The following CEP41 variants were observed in gnomAD, a reference collection of about 807,000 sequenced individuals.
CEP41 encodes the protein centrosomal protein of 41 kDa.
CEP41 carries 32 observed loss-of-function variants against 44.3 expected under a neutral mutation model. The observed-to-expected ratio is 0.72, with a 90% CI of 0.54 to 0.97. The LOEUF (loss-of-function observed/expected upper bound fraction) is 0.97. Ranked by LOEUF, CEP41 falls within the 50% of genes least tolerant of loss-of-function variation. The pLI, the probability that CEP41 is intolerant of heterozygous loss-of-function variation, is 0.00. For synonymous variants in CEP41, 151 were observed against 168.5 expected (o/e 0.90, Z 0.80); for missense variants, 432 against 455.2 (o/e 0.95, Z 0.46).
At chr7:130,409,133 A>G (rs535095050) in intron 5 of CEP41, among the ~76,000 whole-genome samples, 23 of 152,268 alleles carry the variant, frequency 1.5e-4, no homozygotes, top group Non-Finnish European at 3.2e-4. Flanking sequence ...AGCGATAAAC[A>G]TTATAAAAGG....
chr7:130,427,124 TAAAC>T (rs1797687726), intron 2 of CEP41: 1 of 155,574 alleles, frequency 6.4e-6, no homozygotes. Context: ...CAAAATGATT[TAAAC>T]AAAGTCAACA....
chr7:130,435,643 A>T (rs1242274169), intron 1 of CEP41, among the ~76,000 whole-genome samples: 1 of 152,194 alleles, frequency 6.6e-6, no homozygotes, highest in African/African-American at 2.4e-5. Flanking sequence ...CTTGGCAGGA[A>T]TGTAAAATGG....
At chr7:130,436,149 G>A (rs1022839875) in intron 1 of CEP41, among the ~76,000 whole-genome samples, 8 of 152,210 alleles carry the variant, frequency 5.3e-5, no homozygotes, top group South Asian at 4.1e-4. Context: ...GTGAGACTCC[G>A]TCTCAAAAAA....
At chr7:130,436,285 GAA>G (rs568484935) in intron 1 of CEP41, among the ~76,000 whole-genome samples, 3 of 140,146 alleles carry the variant, frequency 2.1e-5, no homozygotes, top group African/African-American at 5.2e-5. Flanking sequence ...TATCTTGAGT[GAA>G]AAAAAAAAAA....
At chr7:130,436,153 CA>C (rs1471051562) in intron 1 of CEP41, among the ~76,000 whole-genome samples, 1 of 152,016 alleles carries the variant, frequency 6.6e-6, no homozygotes, top group East Asian at 1.9e-4. Flanking sequence ...GACTCCGTCT[CA>C]AAAAACAAAA....
At chr7:130,437,782 A>AG (rs1563000222) in intron 1 of CEP41, among the ~76,000 whole-genome samples, 1 of 135,890 alleles carries the variant, frequency 7.4e-6, no homozygotes, top group African/African-American at 2.8e-5. Context: ...AAAAAAAAAA[A>AG]AAAAAAGAAA....
rs1401257601 is a variant in CEP41, at chr7:130,396,927, G to C, written c.*1964C>G. 6 of 453,024 alleles carry C rather than the reference G, an allele frequency of 1.3e-5. No individual in the cohort carries two copies. The highest frequency in any genetic ancestry group is 2.2e-5 in the Non-Finnish European group (5 of 226,234). The allele number at this position is 453,024 out of a possible 1,614,324, so 28.1% of individuals were successfully genotyped here. A position where few individuals can be genotyped will look rare whatever the true frequency, so the allele number is the denominator to read the frequency against. ...GATGGGAACGCAGAATCGGAACAAG[G>C]AGGGAAGACCATTTACTTTCAAAAT... On this transcript the variant is annotated 3_prime_UTR_variant, in exon 11 of 11. Transcript: ENST00000223208.
chr7:130,418,723 G>A (rs1797413105), intron 2 of CEP41, among the ~76,000 whole-genome samples: 2 of 152,218 alleles, frequency 1.3e-5, no homozygotes, highest in African/African-American at 4.8e-5. Flanking sequence ...TTTTTGTTGT[G>A]TTGTTGTAAA....
At chr7:130,410,432 C>T (rs1387703477) in intron 5 of CEP41, among the ~76,000 whole-genome samples, 2 of 152,070 alleles carry the variant, frequency 1.3e-5, no homozygotes, top group East Asian at 3.9e-4. Flanking sequence ...TTTTCAGTCC[C>T]TTAAGGGTAC....
Position 130,401,135 on chromosome 7 carries a change from G to A in CEP41, c.643-314C>T, listed in dbSNP as rs972305412. The A allele has an allele frequency of 5.8e-5, 20 of 342,598 alleles. No individual in the cohort carries two copies. In the East Asian group the frequency reaches 1.4e-3, roughly 23 times the overall value. 21.2% of individuals were successfully genotyped at this position (342,598 alleles called of 1,614,324 possible). On this transcript the variant is annotated intron_variant, in intron 8 of 10. Transcript: ENST00000223208. ...ATATTACAATCCCCATTTTACAGAT[G>A]AAGAAATAGAACAACTTCTATGCCT...
chr7:130,415,542 C>T (rs976252012), intron 3 of CEP41, among the ~76,000 whole-genome samples: 3 of 152,194 alleles, frequency 2.0e-5, no homozygotes, highest in Non-Finnish European at 4.4e-5. Flanking sequence ...GGGTATTGTT[C>T]TGGGAGATCA....
chr7:130,399,819 C>CAA lies in CEP41; in HGVS notation c.973+218_973+219dup, dbSNP rs34927892. Reference sequence around the variant, plus strand: ...TGGGTGACAGAGCAAGACTCTGTCTCAAAAAAAAAAAAAGTCGCTATGTTT... The same window carrying CAA: ...TGGGTGACAGAGCAAGACTCTGTCTCAAAAAAAAAAAAAAAGTCGCTATGTTT... On this transcript the variant is annotated intron_variant, in intron 10 of 10. Transcript: ENST00000223208. 134,595 of 396,104 alleles carry CAA rather than the reference C, an allele frequency of 0.34. 10,845 individuals are homozygous for CAA. The highest frequency in any genetic ancestry group is 0.45 in the African/African-American group (21,162 of 46,642). 24.5% of individuals were successfully genotyped at this position (396,104 alleles called of 1,614,324 possible).
At chr7:130,410,988 G>A (rs950543630) in intron 5 of CEP41, 134 bp downstream of exon 5, 6 of 838,734 alleles carry the variant, frequency 7.2e-6, no homozygotes, top group Non-Finnish European at 1.0e-5. Context: ...GCATTTCCCT[G>A]AGAGTAACAA....
chr7:130,401,089 C>T (rs1245286688), intron 8 of CEP41: 1 of 434,326 alleles, frequency 2.3e-6, no homozygotes, highest in South Asian at 2.2e-5. Flanking sequence ...GCTCTCTTAT[C>T]CCTATGACCC....
At position 130,411,174 on chromosome 7, in the gene CEP41, G is replaced by A. The variant is rs1402831101; in HGVS notation, c.225C>T (p.Ser75=). The part of the protein sequence containing the change: ...TFAQLIIQVA[S]LSDQTLEVTA... ...TCACTTCCAGTGTTTGATCAGAGAG[G>A]GAAGCAACTTGGATGATCTGATAGA... Residue 75 remains serine (S), a synonymous_variant, in exon 5 of 11, where the codon TCC becomes TCT. Coordinates refer to ENST00000223208, the MANE Select transcript of CEP41 (RefSeq NM_018718.3). 6 of 1,613,734 alleles carry A rather than the reference G, an allele frequency of 3.7e-6. No homozygotes were observed. In the African/African-American group the frequency reaches 6.7e-5, roughly 18 times the overall value.
At chr7:130,423,893 C>T (rs1016675563) in intron 2 of CEP41, among the ~76,000 whole-genome samples, 3 of 152,110 alleles carry the variant, frequency 2.0e-5, no homozygotes, top group Non-Finnish European at 4.4e-5. Context: ...TGCATCTACA[C>T]GAAATGTTCA....
chr7:130,401,578 GA>G (rs1208391279), intron 8 of CEP41, among the ~76,000 whole-genome samples: 12 of 151,780 alleles, frequency 7.9e-5, no homozygotes, highest in African/African-American at 2.9e-4. Flanking sequence ...AATTAAAATA[GA>G]AAAAAACCCT....
At chr7:130,430,753 T>C (rs1554424913) in intron 1 of CEP41, among the ~76,000 whole-genome samples, 1 of 152,208 alleles carries the variant, frequency 6.6e-6, no homozygotes, top group African/African-American at 2.4e-5. Flanking sequence ...TTCTGCACTC[T>C]GTATTTTTTT....
intron 5 of CEP41, among the ~76,000 whole-genome samples, chr7:130,406,182 TAAACC>T (rs1554418199): frequency 2.0e-5 from 3 of 152,158 alleles, no homozygotes; most frequent in Admixed American, 2.0e-4. Flanking sequence ...ATAAAGCACA[TAAACC>T]AAAGCTCTTT....
Sources: allele counts gnomAD v4.1 joint callset (sites outside exome capture counted in the v4.1 genomes callset), GRCh38; gene constraint gnomAD v4.1.1; transcripts MANE v1.5; gene names NCBI Gene and HGNC (gene_info 2026-07-23, HGNC 2026-07-21).